The following PTPRN2 variants were observed in gnomAD, a reference collection of about 807,000 sequenced individuals.
The protein encoded by PTPRN2 is receptor-type tyrosine-protein phosphatase N2.
A neutral mutation model predicts 118.8 loss-of-function variants in PTPRN2; 74 were observed. The ratio of observed to expected loss-of-function variants is 0.62; its 90% confidence interval spans 0.52 to 0.76. The LOEUF (loss-of-function observed/expected upper bound fraction) is 0.76, where lower values mean the gene tolerates loss of function less well. Among genes scored for constraint, PTPRN2 ranks in the 30% least tolerant of loss-of-function variants. PTPRN2 has a pLI of 0.00. For missense variants in PTPRN2, 1,481 were observed against 1,394.4 expected, an observed-to-expected ratio of 1.06 and a Z score of -0.99; for synonymous variants, 641 against 608.0, an observed-to-expected ratio of 1.05 and a Z score of -0.80.
intron 9 of PTPRN2, among the ~76,000 whole-genome samples, chr7:158,123,296 G>T (rs191683440): frequency 6.6e-6 from 1 of 152,296 alleles, no homozygotes; most frequent in South Asian, 2.1e-4. Flanking sequence ...GCAACGCTTC[G>T]AGGGTGGCAA....
At chr7:157,747,227 T>TGTCCC (rs1801018808) in intron 12 of PTPRN2, among the ~76,000 whole-genome samples, 1 of 133,052 alleles carries the variant, frequency 7.5e-6, no homozygotes, top group African/African-American at 2.9e-5. Flanking sequence ...CTGTGGGCTG[T>TGTCCC]TGAGGTGATT....
intron 11 of PTPRN2, among the ~76,000 whole-genome samples, chr7:157,937,607 A>C (rs1351651997): frequency 6.6e-6 from 1 of 152,210 alleles, no homozygotes; most frequent in Non-Finnish European, 1.5e-5. Context: ...AGCCGCTTAA[A>C]AAGCCAGGCA....
chr7:157,929,124 C>A lies in PTPRN2; in HGVS notation c.1724-30387G>T, dbSNP rs1352002367. ...GGATCAGTGAAACGGTGAGACCATT[C>A]CTTCCACCCTTGTGTTTCCCTGGCA... On this transcript the variant is annotated intron_variant, in intron 11 of 22. Transcript: ENST00000389418. This position sits in a 1 kb window ranked among gnomAD's most constrained non-coding sequence, Gnocchi z 4.4. 6.6e-6 allele frequency among the ~76,000 whole-genome samples: 1 copy of A among 152,166 alleles called. No homozygotes were observed. Among genetic ancestry groups the A allele is most frequent in the Non-Finnish European group, 1.5e-5 (1 of 68,028 alleles).
At position 158,517,649 on chromosome 7, in the gene PTPRN2, G is replaced by A. The variant is rs927486384; in HGVS notation, c.113-27864C>T. Among the ~76,000 whole-genome samples, 26 of 152,176 alleles carry A rather than the reference G, an allele frequency of 1.7e-4. 1 individual carries two copies. Among genetic ancestry groups the A allele is most frequent in the Non-Finnish European group, 1.0e-4 (7 of 68,032 alleles). On this transcript the variant is annotated intron_variant, in intron 1 of 22. Transcript: ENST00000389418. The surrounding 1 kb of genome is among the most constrained non-coding windows in gnomAD (Gnocchi z 5.3). ...CCTCAGGCAGTCCCCTGCCTTTAGG[G>A]TGGAGTCCAAGCCAGCCTCATGGAC... is the stretch of plus-strand genomic sequence containing the variant.
At chr7:158,136,350 C>T (rs1483216601) in intron 8 of PTPRN2, among the ~76,000 whole-genome samples, 2 of 152,100 alleles carry the variant, frequency 1.3e-5, no homozygotes, top group Non-Finnish European at 2.9e-5. Flanking sequence ...CACAGGCTGC[C>T]GTGTGATAAT....
rs566455067 is a variant in PTPRN2, at chr7:158,486,220, C to T, written c.163+3515G>A. ...TGGCGTGAACGTGCTGGCCAGTCAG[C>T]GTCCATCACGATCACGTCAGGCCAT... On this transcript the variant is annotated intron_variant, in intron 2 of 22. Coordinates refer to ENST00000389418, the MANE Select transcript of PTPRN2 (RefSeq NM_002847.5). Among the ~76,000 whole-genome samples the T allele has an allele frequency of 7.2e-5, 11 of 152,348 alleles. 2 individuals are homozygous for T. Among genetic ancestry groups the T allele is most frequent in the South Asian group, 4.1e-4 (2 of 4,826 alleles).
chr7:158,317,737 T>A (rs971352055), intron 2 of PTPRN2, among the ~76,000 whole-genome samples: 1 of 152,086 alleles, frequency 6.6e-6, no homozygotes, highest in Non-Finnish European at 1.5e-5. Context: ...GGGGAAATGG[T>A]CTCTTTTATT....
chr7:157,547,718 C>A (rs959607228), intron 22 of PTPRN2, among the ~76,000 whole-genome samples: 1 of 152,222 alleles, frequency 6.6e-6, no homozygotes, highest in African/African-American at 2.4e-5. Context: ...CAGACACACA[C>A]GCCTCAGTGG....
intron 6 of PTPRN2, among the ~76,000 whole-genome samples, chr7:158,140,907 T>C (rs1819320426): frequency 6.6e-6 from 1 of 152,246 alleles, no homozygotes; most frequent in African/African-American, 2.4e-5. Flanking sequence ...TATTCAGTGT[T>C]GAAATCTCTG....
intron 12 of PTPRN2, among the ~76,000 whole-genome samples, chr7:157,738,749 G>A (rs1163812089): frequency 1.3e-5 from 2 of 152,020 alleles, no homozygotes; most frequent in African/African-American, 2.4e-5. Flanking sequence ...TCAGAGCTCC[G>A]TGCTGTTTCT....
At position 157,565,408 on chromosome 7, in the gene PTPRN2, C is replaced by G. The variant is rs141348403; in HGVS notation, c.2902+3494G>C. ...AAAGAAATGAGTCACCCCAGACTCA[C>G]TCTGCACCTTGTCAACAGCCACAGC... On this transcript the variant is annotated intron_variant, in intron 21 of 22. Coordinates refer to ENST00000389418, the MANE Select transcript of PTPRN2 (RefSeq NM_002847.5). Among the ~76,000 whole-genome samples the G allele has an allele frequency of 7.7e-3, 1,175 of 152,366 alleles. 18 individuals are homozygous for G. Among genetic ancestry groups the G allele is most frequent in the African/African-American group, 0.027 (1,112 of 41,586 alleles).
At chr7:158,381,089 G>A (rs1291033387) in intron 2 of PTPRN2, among the ~76,000 whole-genome samples, 1 of 152,258 alleles carries the variant, frequency 6.6e-6, no homozygotes, top group Non-Finnish European at 1.5e-5. Context: ...TGTGATGGGA[G>A]GGGCTGCTGT....
At chr7:157,824,160 T>C (rs1000517996) in intron 12 of PTPRN2, among the ~76,000 whole-genome samples, 1 of 152,136 alleles carries the variant, frequency 6.6e-6, no homozygotes, top group East Asian at 1.9e-4. Flanking sequence ...CAGCCTCCTG[T>C]GACCCTCCTG....
chr7:157,742,185 G>C (rs141423517), intron 12 of PTPRN2, among the ~76,000 whole-genome samples: 35 of 152,312 alleles, frequency 2.3e-4, no homozygotes, highest in African/African-American at 8.2e-4. Flanking sequence ...CATCAAAAGG[G>C]CCAAAGTTAT....
chr7:158,132,085 C>T (rs1045733915), intron 9 of PTPRN2, among the ~76,000 whole-genome samples: 79 of 151,758 alleles, frequency 5.2e-4, no homozygotes, highest in African/African-American at 1.7e-3. Flanking sequence ...CTGACACACA[C>T]ACACACGCAC....
At position 157,546,721 on chromosome 7, in the gene PTPRN2, G is replaced by GC. The variant is rs1215493717; in HGVS notation, c.2976+2224dup. 3.9e-5 allele frequency among the ~76,000 whole-genome samples: 6 copies of GC among 152,320 alleles called. No homozygotes were observed. In the East Asian group the frequency reaches 1.2e-3, roughly 29 times the overall value. On this transcript the variant is annotated intron_variant, in intron 22 of 22. Coordinates refer to ENST00000389418, the MANE Select transcript of PTPRN2 (RefSeq NM_002847.5). ...GGTTCCATGTCTTTGCTGCCATCTTGCCATTTAAAAATGGAGTAGAACGGA... is the reference window on the plus strand; with the variant it reads ...GGTTCCATGTCTTTGCTGCCATCTTGCCCATTTAAAAATGGAGTAGAACGGA...
Position 158,133,953 on chromosome 7 carries a change from T to A in PTPRN2, c.1280A>T (p.Lys427Met), listed in dbSNP as rs781655187. 1.2e-6 allele frequency: 2 copies of A among 1,614,034 alleles called. No individual in the cohort carries two copies. Among genetic ancestry groups the A allele is most frequent in the Non-Finnish European group, 1.7e-6 (2 of 1,180,048 alleles). ...CAGGGAAGACTCAGGGTGCTCGGAC[T>A]TCTTCCTCTCCATGTCGAGGGGCCT... Reference protein sequence around the residue: ...FARPLDMERKKSEHPESSLSS... With the variant: ...FARPLDMERKMSEHPESSLSS... Residue 427 changes from lysine (K) to methionine (M), a missense_variant, in exon 9 of 23, where the codon AAG (lysine) becomes ATG (methionine). Physicochemically the swap from Lys to Met is moderately conservative, Grantham distance 95. Transcript: ENST00000389418.
At chr7:158,000,427 CGTG>C (rs1359158481) in intron 11 of PTPRN2, among the ~76,000 whole-genome samples, 2 of 151,986 alleles carry the variant, frequency 1.3e-5, no homozygotes, top group Admixed American at 6.6e-5. Context: ...ACGTGAAAGC[CGTG>C]GAGAGGCCGG....
Position 157,690,643 on chromosome 7 carries a change from C to T in PTPRN2, c.1789-7706G>A, listed in dbSNP as rs1797431418. 1.3e-5 allele frequency among the ~76,000 whole-genome samples: 2 copies of T among 151,654 alleles called. No individual in the cohort carries two copies. Among genetic ancestry groups the T allele is most frequent in the African/African-American group, 4.8e-5 (2 of 41,388 alleles). On this transcript the variant is annotated intron_variant, in intron 12 of 22. Transcript: ENST00000389418. The surrounding 1 kb of genome is among the most constrained non-coding windows in gnomAD (Gnocchi z 7.1). ...CTCGGGGCGCAGCAGCTGCGGGTAG[C>T]GGCAGCGCCATCATCACAGCCAGCT... is the stretch of plus-strand genomic sequence containing the variant.
Sources: allele counts gnomAD v4.1 joint callset (sites outside exome capture counted in the v4.1 genomes callset), GRCh38; gene constraint gnomAD v4.1.1; non-coding constraint Gnocchi (gnomAD v3.1); transcripts MANE v1.5; gene names NCBI Gene and HGNC (gene_info 2026-07-23, HGNC 2026-07-21).